SNW1: variants seen among roughly 807,000 people sequenced by gnomAD.
SNW1 encodes SNW domain containing 1, also known as SNW domain-containing protein 1.
A neutral mutation model predicts 75.6 loss-of-function variants in SNW1; 9 were observed. The observed-to-expected ratio is 0.12, with a 90% CI of 0.07 to 0.21. The LOEUF (loss-of-function observed/expected upper bound fraction) is 0.21. Among genes scored for constraint, SNW1 ranks in the 10% least tolerant of loss-of-function variants. The pLI is 1.00. For synonymous variants in SNW1, 200 were observed against 219.1 expected (o/e 0.91, Z 0.77); for missense variants, 409 against 670.9 (o/e 0.61, Z 4.31).
chr14:77,717,944 C>CG lies in SNW1; in HGVS notation c.*143_*144insC. ...TTCAAAGTAGAATTTTCTATCCCCC[C>CG]CATTTCTCCAGTAATAAAAAGTAGT... On this transcript the variant is annotated 3_prime_UTR_variant, in exon 14 of 14. Coordinates refer to ENST00000261531, the MANE Select transcript of SNW1 (RefSeq NM_012245.3). 1 of 703,824 alleles carries CG rather than the reference C, an allele frequency of 1.4e-6. No individual in the cohort carries two copies. The allele number at this position is 703,824 out of a possible 1,614,324, so 43.6% of individuals were successfully genotyped here.
At chr14:77,754,053 A>T (rs1048721973) in intron 2 of SNW1, among the ~76,000 whole-genome samples, 1 of 151,248 alleles carries the variant, frequency 6.6e-6, no homozygotes, top group Admixed American at 6.6e-5. Context: ...TTTATTTTTT[A>T]TTTTTTTTGA....
intron 1 of SNW1, among the ~76,000 whole-genome samples, chr14:77,758,949 A>G (rs1453923320): frequency 6.6e-6 from 1 of 152,238 alleles, no homozygotes; most frequent in Admixed American, 6.5e-5. Flanking sequence ...GCTCAGTCCC[A>G]CAAGACTGCC....
chr14:77,747,795 G>A (rs1448765632), intron 3 of SNW1, among the ~76,000 whole-genome samples: 4 of 148,086 alleles, frequency 2.7e-5, no homozygotes, highest in African/African-American at 9.9e-5. Context: ...CCGGGAGGTG[G>A]GGGGCGCCTC....
Position 77,732,544 on chromosome 14 carries a change from C to T in SNW1, c.832G>A (p.Val278Ile), listed in dbSNP as rs1311240364. The T allele has an allele frequency of 6.2e-7, 1 of 1,613,434 alleles. No homozygotes were observed. Among genetic ancestry groups the T allele is most frequent in the East Asian group, 2.2e-5 (1 of 44,888 alleles). ...TTGGCGAAATTTTCATTTATGTGTACTGTCTGTAGTCCTCTTCCATCAGCA... is the reference window on the plus strand; with the variant it reads ...TTGGCGAAATTTTCATTTATGTGTATTGTCTGTAGTCCTCTTCCATCAGCA... The part of the protein sequence containing the change: ...LAADGRGLQT[V>I]HINENFAKLA... The change falls in exon 9 of 14, where the codon GTA becomes ATA. Residue 278 changes from valine (V) to isoleucine (I), a missense_variant. By Grantham distance (29) the Val-to-Ile change is conservative (BLOSUM62 3). Coordinates refer to ENST00000261531, the MANE Select transcript of SNW1 (RefSeq NM_012245.3).
At chr14:77,734,768 C>T (rs540568390) in intron 8 of SNW1, among the ~76,000 whole-genome samples, 179 bp downstream of exon 8, 8 of 152,022 alleles carry the variant, frequency 5.3e-5, no homozygotes, top group African/African-American at 7.2e-5. Flanking sequence ...ACGGTATTCA[C>T]GTGCCTGGCA....
intron 3 of SNW1, among the ~76,000 whole-genome samples, chr14:77,748,414 AAAATAAAT>A (rs200249478): frequency 6.6e-6 from 1 of 151,844 alleles, no homozygotes; most frequent in Non-Finnish European, 1.5e-5. Context: ...AATAAATACT[AAAATAAAT>A]AAATAAATAA....
At chr14:77,731,584 T>C (rs1469057966) in intron 9 of SNW1, among the ~76,000 whole-genome samples, 1 of 152,170 alleles carries the variant, frequency 6.6e-6, no homozygotes, top group Non-Finnish European at 1.5e-5. Flanking sequence ...TCAAAGTTAA[T>C]CAAGTCAACT....
Position 77,728,051 on chromosome 14 carries a change from TA to T in SNW1, c.1033+2936del, listed in dbSNP as rs60328090. 4.5e-3 allele frequency among the ~76,000 whole-genome samples: 653 copies of T among 143,788 alleles called. 2 individuals are homozygous for T. The highest frequency in any genetic ancestry group is 0.012 in the East Asian group (58 of 4,916). 94.3% of individuals were successfully genotyped at this position (143,788 alleles called of 152,430 possible). On this transcript the variant is annotated intron_variant, in intron 10 of 13. Coordinates refer to ENST00000261531, the MANE Select transcript of SNW1 (RefSeq NM_012245.3). ...CTTTCATGGGAGCAATGTTAATTGTTAAAAAAAAAAAAAAAATTAGTGTAGA... is the reference window on the plus strand; with the variant it reads ...CTTTCATGGGAGCAATGTTAATTGTTAAAAAAAAAAAAAAATTAGTGTAGA...
intron 12 of SNW1, among the ~76,000 whole-genome samples, 183 bp from the exon 13 acceptor site, chr14:77,718,713 CT>C (rs372285276): frequency 2.8e-3 from 389 of 138,256 alleles, no homozygotes; most frequent in Middle Eastern, 3.8e-3. Context: ...ACTTTGGATT[CT>C]TTTTTTTTTT....
chr14:77,734,667 G>A (rs1206711186), intron 8 of SNW1, among the ~76,000 whole-genome samples: 2 of 152,158 alleles, frequency 1.3e-5, no homozygotes, highest in Non-Finnish European at 2.9e-5. Context: ...CAACCTGGGA[G>A]GTGGAGGCTG....
chr14:77,718,550 A>G lies in SNW1; in HGVS notation c.1249-20T>C, dbSNP rs760786363. The G allele has an allele frequency of 6.7e-7, 1 of 1,483,062 alleles. No individual in the cohort carries two copies. The highest frequency in any genetic ancestry group is 1.2e-5 in the South Asian group (1 of 83,374). The allele number at this position is 1,483,062 out of a possible 1,614,324, so 91.9% of individuals were successfully genotyped here. A position where few individuals can be genotyped will look rare whatever the true frequency, so the allele number is the denominator to read the frequency against. The stretch of plus-strand genomic sequence containing the variant: ...CATACCCTGTGGAAAAATGGATGAC[A>G]TTAAATAAAAGTGTAAACATTGTTT... On this transcript the variant is annotated intron_variant, in intron 12 of 13. Coordinates refer to ENST00000261531, the MANE Select transcript of SNW1 (RefSeq NM_012245.3).
At chr14:77,733,050 A>G (rs949638608) in intron 8 of SNW1, among the ~76,000 whole-genome samples, 18 of 152,196 alleles carry the variant, frequency 1.2e-4, no homozygotes, top group African/African-American at 3.9e-4. Flanking sequence ...ATGCAAAACA[A>G]CAGCAGCTAT....
In SNW1 at chr14:77,717,912, T is replaced by C. The variant is rs2080501962; in HGVS notation, c.*176A>G. 5 of 596,732 alleles carry C rather than the reference T, an allele frequency of 8.4e-6. No individual in the cohort carries two copies. The highest frequency in any genetic ancestry group is 1.4e-5 in the Non-Finnish European group (5 of 352,190). 37.0% of individuals were successfully genotyped at this position (596,732 alleles called of 1,614,324 possible). A position where few individuals can be genotyped will look rare whatever the true frequency, so the allele number is the denominator to read the frequency against. ...ACACAACCCACTCTTTAAAAAAAAC[T>C]AAATAATTCAAAGTAGAATTTTCTA... On this transcript the variant is annotated 3_prime_UTR_variant, in exon 14 of 14. Coordinates refer to ENST00000261531, the MANE Select transcript of SNW1 (RefSeq NM_012245.3).
chr14:77,734,198 A>C (rs2080651260), intron 8 of SNW1, among the ~76,000 whole-genome samples: 1 of 152,238 alleles, frequency 6.6e-6, no homozygotes, highest in Non-Finnish European at 1.5e-5. Flanking sequence ...AAACTTTGGC[A>C]ATTATTAGAG....
intron 10 of SNW1, among the ~76,000 whole-genome samples, chr14:77,726,466 T>C (rs528481303): frequency 1.3e-5 from 2 of 152,236 alleles, no homozygotes; most frequent in East Asian, 3.9e-4. Context: ...GCCTCTTCAA[T>C]TACTTTCATC....
Position 77,723,174 on chromosome 14 carries a change from C to T in SNW1, c.1130+7G>A. 3.1e-6 allele frequency: 5 copies of T among 1,610,776 alleles called. No homozygotes were observed. Among genetic ancestry groups the T allele is most frequent in the Non-Finnish European group, 4.2e-6 (5 of 1,177,124 alleles). ...CATGATTGGTACACATCTTAAATAA[C>T]ACCTACCTCTTATCAGGAGCTGCCC... On this transcript the variant is annotated splice_region_variant and intron_variant, in intron 11 of 13. Coordinates refer to ENST00000261531, the MANE Select transcript of SNW1 (RefSeq NM_012245.3).
chr14:77,755,744 CTTTTT>C (rs61404145), intron 1 of SNW1, among the ~76,000 whole-genome samples: 1 of 144,166 alleles, frequency 6.9e-6, no homozygotes, highest in Non-Finnish European at 1.5e-5. Flanking sequence ...TATTTCTTTC[CTTTTT>C]TTTTTTTGAG....
intron 3 of SNW1, among the ~76,000 whole-genome samples, chr14:77,747,374 G>A (rs1232898005): frequency 6.6e-5 from 10 of 151,740 alleles, no homozygotes; most frequent in Admixed American, 5.3e-4. Flanking sequence ...CTGCCAGGCC[G>A]CCCATCGTCT....
chr14:77,736,584 A>AC (rs76334760), intron 6 of SNW1, among the ~76,000 whole-genome samples: 3 of 152,052 alleles, frequency 2.0e-5, no homozygotes, highest in East Asian at 3.9e-4. Flanking sequence ...AAAAACAAAA[A>AC]AAGGCAGCTT....
Sources: gnomAD v4.1 joint callset for allele counts (sites outside exome capture counted in the v4.1 genomes callset) on GRCh38, gnomAD v4.1.1 for gene constraint, MANE v1.5 for transcripts, NCBI Gene and HGNC (gene_info 2026-07-23, HGNC 2026-07-21) for gene names.